The following XRN2 variants were observed in gnomAD, a reference collection of about 807,000 sequenced individuals.
XRN2 encodes the protein DHM1-like protein.
XRN2 carries 44 observed loss-of-function variants against 138.5 expected under a neutral mutation model. The ratio of observed to expected loss-of-function variants is 0.32; its 90% confidence interval spans 0.25 to 0.41. XRN2 has a LOEUF of 0.41. Among genes scored for constraint, XRN2 ranks in the 10% least tolerant of loss-of-function variants. The probability of loss-of-function intolerance (pLI) is 1.00; values close to 1 mark genes in which losing one functional copy is unlikely to be tolerated. For missense variants in XRN2, 937 were observed against 1,169.3 expected (o/e 0.80, Z 2.90); for synonymous variants, 354 against 369.4 (o/e 0.96, Z 0.48).
chr20:21,312,114 GT>G (rs895531619), intron 1 of XRN2, among the ~76,000 whole-genome samples: 5 of 150,736 alleles, frequency 3.3e-5, no homozygotes, highest in East Asian at 2.0e-4. Context: ...TTTAGGTTGT[GT>G]TTTTTTTTGT....
rs749935157 is a variant in XRN2, at chr20:21,326,475, T to C, written c.204-15T>C. 2 of 1,613,946 alleles carry C rather than the reference T, an allele frequency of 1.2e-6. No individual in the cohort carries two copies. Among genetic ancestry groups the C allele is most frequent in the African/African-American group, 1.3e-5 (1 of 75,036 alleles). ...AAACATTATATTATATTACATTGTT[T>C]GGTTGTCATTATAGACCAGCACCAA... On this transcript the variant is annotated splice_polypyrimidine_tract_variant and intron_variant, in intron 2 of 29. Coordinates refer to ENST00000377191, the MANE Select transcript of XRN2 (RefSeq NM_012255.5).
chr20:21,333,654 A>G (rs772135496), intron 10 of XRN2, 36 bp downstream of exon 10: 1 of 1,614,004 alleles, frequency 6.2e-7, no homozygotes, highest in Non-Finnish European at 8.5e-7. Context: ...AGCACTCTAA[A>G]GCAGGGTGCC....
intron 1 of XRN2, among the ~76,000 whole-genome samples, chr20:21,312,374 G>A (rs926869142): frequency 3.3e-5 from 5 of 152,080 alleles, no homozygotes; most frequent in Admixed American, 1.3e-4. Context: ...AATTACAGGT[G>A]TGAGCCACCG....
At chr20:21,377,194 G>C (rs2038831879) in intron 27 of XRN2, among the ~76,000 whole-genome samples, 2 of 149,024 alleles carry the variant, frequency 1.3e-5, no homozygotes, top group Non-Finnish European at 3.0e-5. Flanking sequence ...TGCAGACAAT[G>C]AAGAAAGGAA....
intron 27 of XRN2, among the ~76,000 whole-genome samples, chr20:21,379,634 C>T (rs576801872): frequency 4.6e-5 from 7 of 152,146 alleles, no homozygotes; most frequent in Non-Finnish European, 1.0e-4. Context: ...GCACCTGGCA[C>T]ACTAGAAGTG....
chr20:21,343,296 A>G (rs1245992252), intron 15 of XRN2, among the ~76,000 whole-genome samples: 1 of 152,062 alleles, frequency 6.6e-6, no homozygotes, highest in African/African-American at 2.4e-5. Flanking sequence ...ATATTAAAAT[A>G]TGTTAGGGTT....
At chr20:21,361,508 C>A (rs950768767) in intron 24 of XRN2, among the ~76,000 whole-genome samples, 3 of 152,194 alleles carry the variant, frequency 2.0e-5, no homozygotes, top group Non-Finnish European at 2.9e-5. Flanking sequence ...AAGTCTCTTA[C>A]CTCAGCTGGT....
chr20:21,333,739 A>C lies in XRN2; in HGVS notation c.969A>C (p.Pro323=). Reference sequence around the variant, plus strand: ...GAGAACTCACAATGGCCAGCCTACCATTCACATTTGATGTTGAGAGGAGCA... The same window carrying C: ...GAGAACTCACAATGGCCAGCCTACCCTTCACATTTGATGTTGAGAGGAGCA... ...LERELTMASL[P]FTFDVERSID... is the part of the protein sequence containing the mutation. The change falls in exon 11 of 30, where the codon CCA becomes CCC. Residue 323 remains proline (P), a synonymous_variant. Transcript: ENST00000377191. 3.7e-6 allele frequency: 6 copies of C among 1,614,148 alleles called. No individual in the cohort carries two copies. Among genetic ancestry groups the C allele is most frequent in the Non-Finnish European group, 5.1e-6 (6 of 1,180,012 alleles).
intron 1 of XRN2, among the ~76,000 whole-genome samples, chr20:21,324,497 CTTT>C (rs11482123): frequency 6.9e-6 from 1 of 145,348 alleles, no homozygotes; most frequent in Admixed American, 6.8e-5. Context: ...TGTATATGTT[CTTT>C]TTTTTTTTTT....
Position 21,306,684 on chromosome 20 carries a change from A to C in XRN2, c.75+3211A>C, listed in dbSNP as rs1230592571. Among the ~76,000 whole-genome samples, 2 of 76,346 alleles carry C rather than the reference A, an allele frequency of 2.6e-5. 1 individual carries two copies. Among genetic ancestry groups the C allele is most frequent in the Non-Finnish European group, 6.1e-5 (2 of 32,542 alleles). The allele number at this position is 76,346 out of a possible 152,430, so 50.1% of individuals were successfully genotyped here. On this transcript the variant is annotated intron_variant, in intron 1 of 29. Transcript: ENST00000377191. Reference sequence around the variant, plus strand: ...AATAATAGAAGCACGTTATTTGGAGACAACCAATATTGTTATTATGTTATA... The same window carrying C: ...AATAATAGAAGCACGTTATTTGGAGCCAACCAATATTGTTATTATGTTATA...
chr20:21,334,979 G>A (rs2122220947), intron 13 of XRN2, among the ~76,000 whole-genome samples: 1 of 152,298 alleles, frequency 6.6e-6, no homozygotes, highest in African/African-American at 2.4e-5. Context: ...GAAACTATGA[G>A]TGTACTATGA....
rs1325540983 is a variant in XRN2 at position 21,326,749 on chromosome 20, G to GTT, written c.315+154_315+155dup. 8 of 681,644 alleles carry GTT rather than the reference G, an allele frequency of 1.2e-5. No individual in the cohort carries two copies. The South Asian group carries it at 1.4e-4, about 12-fold the overall frequency. 42.2% of individuals were successfully genotyped at this position (681,644 alleles called of 1,614,324 possible). ...TCATCCTTCAGTCATTCATTCAGAT[G>GTT]TTTTTTTGTGTGTGTGTTTTGTGCT... On this transcript the variant is annotated intron_variant, in intron 3 of 29. Coordinates refer to ENST00000377191, the MANE Select transcript of XRN2 (RefSeq NM_012255.5).
intron 27 of XRN2, among the ~76,000 whole-genome samples, chr20:21,379,063 A>G (rs927742849): frequency 2.0e-5 from 3 of 152,244 alleles, no homozygotes; most frequent in Non-Finnish European, 2.9e-5. Flanking sequence ...GACTAGTGCT[A>G]TCAGTAAACA....
chr20:21,361,424 A>G (rs2038636018), intron 24 of XRN2, among the ~76,000 whole-genome samples: 1 of 152,216 alleles, frequency 6.6e-6, no homozygotes, highest in Admixed American at 6.5e-5. Context: ...CATTTGGAAA[A>G]AGTGGATGAA....
chr20:21,373,093 A>G (rs577824754), intron 27 of XRN2, among the ~76,000 whole-genome samples: 41 of 151,546 alleles, frequency 2.7e-4, no homozygotes, highest in Non-Finnish European at 3.5e-4. Flanking sequence ...GCTCACCACA[A>G]CCTCCACCTT....
chr20:21,363,916 T>C (rs1429307923), intron 24 of XRN2, among the ~76,000 whole-genome samples: 1 of 152,198 alleles, frequency 6.6e-6, no homozygotes, highest in African/African-American at 2.4e-5. Flanking sequence ...GTCATTAAGG[T>C]CATTAAGTAT....
intron 27 of XRN2, among the ~76,000 whole-genome samples, chr20:21,375,850 T>TTTAC (rs2038815426): frequency 6.6e-6 from 1 of 151,258 alleles, no homozygotes; most frequent in Non-Finnish European, 1.5e-5. Flanking sequence ...TATTTATTTA[T>TTTAC]TTATTTGAGA....
chr20:21,349,672 G>A (rs1204815593), intron 20 of XRN2, among the ~76,000 whole-genome samples: 2 of 152,120 alleles, frequency 1.3e-5, no homozygotes, highest in African/African-American at 2.4e-5. Context: ...GAGTCTGGGA[G>A]GTCTTGGTTA....
chr20:21,316,975 C>A (rs1325350807), intron 1 of XRN2, among the ~76,000 whole-genome samples: 1 of 152,158 alleles, frequency 6.6e-6, no homozygotes, highest in Non-Finnish European at 1.5e-5. Context: ...TATAACCTTG[C>A]TGAAGTCATA....
Sources: allele counts gnomAD v4.1 joint callset (sites outside exome capture counted in the v4.1 genomes callset), GRCh38; gene constraint gnomAD v4.1.1; transcripts MANE v1.5; gene names NCBI Gene and HGNC (gene_info 2026-07-23, HGNC 2026-07-21).